PCSK5: variants seen among roughly 807,000 people sequenced by gnomAD.
The protein encoded by PCSK5 is prohormone convertase 5.
Under a neutral mutation model 233.2 loss-of-function variants are expected in PCSK5, and 129 were observed. That is an observed-to-expected ratio of 0.55 (90% CI 0.48 to 0.64). The LOEUF (loss-of-function observed/expected upper bound fraction) is 0.64. Among genes scored for constraint, PCSK5 ranks in the 30% least tolerant of loss-of-function variants. The pLI, the probability that PCSK5 is intolerant of heterozygous loss-of-function variation, is 0.00. For missense variants in PCSK5, 2,076 were observed against 2,430.1 expected, an observed-to-expected ratio of 0.85 and a Z score of 3.06; for synonymous variants, 825 against 879.2, an observed-to-expected ratio of 0.94 and a Z score of 1.09.
chr9:75,916,656 TGGAA>T (rs1257461234), intron 1 of PCSK5, among the ~76,000 whole-genome samples: 1 of 152,016 alleles, frequency 6.6e-6, no homozygotes, highest in Non-Finnish European at 1.5e-5. Context: ...GTTCTGAGGC[TGGAA>T]GGAAGGCCAG....
chr9:76,338,289 G>C lies in PCSK5; in HGVS notation c.4808G>C (p.Cys1603Ser). 1 of 1,612,618 alleles carries C rather than the reference G, an allele frequency of 6.2e-7. No homozygotes were observed. The highest frequency in any genetic ancestry group is 8.5e-7 in the Non-Finnish European group (1 of 1,179,714). ...AGGTGCAACAGGAGCTGCAAGGGGTGCCAGGGCCCACGGCCCACAGACTGC... is the reference window on the plus strand; with the variant it reads ...AGGTGCAACAGGAGCTGCAAGGGGTCCCAGGGCCCACGGCCCACAGACTGC... ...CERCNRSCKG[C>S]QGPRPTDCLS... Residue 1603 changes from cysteine to serine, a missense_variant, in exon 35 of 38, where the codon TGC becomes TCC. By Grantham distance (112) the Cys-to-Ser change is moderately radical. Coordinates refer to ENST00000674117, the MANE Select transcript of PCSK5 (RefSeq NM_001372043.1).
chr9:76,239,801 GA>G (rs1254600424), intron 23 of PCSK5, among the ~76,000 whole-genome samples: 1 of 151,936 alleles, frequency 6.6e-6, no homozygotes, highest in East Asian at 1.9e-4. Context: ...AATAAAATTC[GA>G]ATCCAAAAGT....
chr9:76,027,005 A>G lies in PCSK5; in HGVS notation c.600A>G (p.Pro200=), dbSNP rs146409433. The change falls in exon 5 of 38, where the codon CCA becomes CCG. Residue 200 remains proline, a synonymous_variant. Coordinates refer to ENST00000674117, the MANE Select transcript of PCSK5 (RefSeq NM_001372043.1). ...ACGTGAATGGGAATGACTTGGACCCAATGCCTCGTTATGATGCAAGCAACG... is the reference window on the plus strand; with the variant it reads ...ACGTGAATGGGAATGACTTGGACCCGATGCCTCGTTATGATGCAAGCAACG... ...SCDVNGNDLD[P]MPRYDASNEN... 5.9e-5 allele frequency: 95 copies of G among 1,609,578 alleles called. No homozygotes were observed. Among genetic ancestry groups the G allele is most frequent in the Non-Finnish European group, 7.2e-5 (85 of 1,177,602 alleles).
intron 10 of PCSK5, among the ~76,000 whole-genome samples, chr9:76,143,728 CT>C (rs11382449): frequency 0.011 from 1,555 of 141,818 alleles, 25 homozygotes; most frequent in African/African-American, 0.028. Flanking sequence ...CTACATCCCA[CT>C]TTTTTTTTTT....
chr9:76,098,561 G>A (rs777921351), intron 8 of PCSK5, among the ~76,000 whole-genome samples: 1 of 152,196 alleles, frequency 6.6e-6, no homozygotes, highest in African/African-American at 2.4e-5. Context: ...TCGAATAAGA[G>A]TTCTCGTTTT....
chr9:76,259,715 C>A (rs929263142), intron 24 of PCSK5, among the ~76,000 whole-genome samples: 1 of 152,034 alleles, frequency 6.6e-6, no homozygotes, highest in African/African-American at 2.4e-5. Flanking sequence ...CTTGGTTGAA[C>A]ATCCATAATG....
At chr9:76,276,068 G>A (rs551840928) in intron 24 of PCSK5, among the ~76,000 whole-genome samples, 2 of 152,168 alleles carry the variant, frequency 1.3e-5, no homozygotes, top group Non-Finnish European at 2.9e-5. Flanking sequence ...CAAGGCCGCG[G>A]AGTAATCCCA....
At position 76,206,812 on chromosome 9, in the gene PCSK5, G is replaced by A. The variant is rs577425768; in HGVS notation, c.2626+17066G>A. 2.0e-5 allele frequency among the ~76,000 whole-genome samples: 3 copies of A among 152,306 alleles called. No individual in the cohort carries two copies. The East Asian group carries it at 5.8e-4, about 29-fold the overall frequency. On this transcript the variant is annotated intron_variant, in intron 20 of 37. Transcript: ENST00000674117. ...ACTGAACTGCATTTGTAATCTTGCT[G>A]TATTAATTTCTTATGGCTGCTCTAA...
intron 20 of PCSK5, chr9:76,194,007 C>T (rs1824560157): frequency 6.6e-6 from 1 of 152,374 alleles, no homozygotes; most frequent in Non-Finnish European, 1.5e-5. Context: ...TAAGTCTGCT[C>T]CACTGGTTTC....
intron 2 of PCSK5, among the ~76,000 whole-genome samples, chr9:75,941,171 G>A (rs1480580364): frequency 1.3e-5 from 2 of 152,128 alleles, no homozygotes; most frequent in African/African-American, 4.8e-5. Context: ...GCAGGTTAAC[G>A]TGCTGCTCTT....
chr9:76,099,652 T>C (rs1831677918), intron 8 of PCSK5, among the ~76,000 whole-genome samples: 2 of 152,280 alleles, frequency 1.3e-5, no homozygotes, highest in South Asian at 4.1e-4. Context: ...TGACCCCTTT[T>C]CCTTCTAGAT....
At chr9:76,101,778 A>C (rs1210082469) in intron 8 of PCSK5, among the ~76,000 whole-genome samples, 4 of 152,168 alleles carry the variant, frequency 2.6e-5, no homozygotes, top group African/African-American at 4.8e-5. Context: ...AACAAATTCC[A>C]TGTGGAGGAA....
At chr9:76,338,470 G>C (rs754264618) in intron 35 of PCSK5, 23 bp downstream of exon 35, 1 of 1,506,560 alleles carries the variant, frequency 6.6e-7, no homozygotes. Context: ...CTGTCATTTT[G>C]CATGAGTGCG....
At chr9:75,951,619 A>C (rs1199378527) in intron 2 of PCSK5, among the ~76,000 whole-genome samples, 1 of 152,188 alleles carries the variant, frequency 6.6e-6, no homozygotes, top group Non-Finnish European at 1.5e-5. Flanking sequence ...ACATCCTTTA[A>C]AATCCTTTGC....
chr9:76,301,405 G>A (rs1470039331), intron 27 of PCSK5, among the ~76,000 whole-genome samples: 1 of 152,150 alleles, frequency 6.6e-6, no homozygotes, highest in Non-Finnish European at 1.5e-5. Context: ...GCAGAATCCT[G>A]ACTTAGCCAA....
At chr9:76,092,390 TTTTG>T (rs999482008) in intron 7 of PCSK5, among the ~76,000 whole-genome samples, 3 of 152,152 alleles carry the variant, frequency 2.0e-5, no homozygotes, top group Non-Finnish European at 4.4e-5. Flanking sequence ...CGCTTTCTTT[TTTTG>T]TTTGTTTGTT....
At chr9:76,124,376 A>C (rs922414297) in intron 9 of PCSK5, among the ~76,000 whole-genome samples, 3 of 152,180 alleles carry the variant, frequency 2.0e-5, no homozygotes, top group Non-Finnish European at 4.4e-5. Context: ...AGGTAAAGCT[A>C]ATATTCTGAA....
chr9:75,891,862 TG>T (rs1192450453), intron 1 of PCSK5, among the ~76,000 whole-genome samples: 2 of 150,492 alleles, frequency 1.3e-5, no homozygotes, highest in East Asian at 3.9e-4. Context: ...AGTTTCCTCT[TG>T]GGCGAGAGAA....
At chr9:75,912,168 G>A (rs368897248) in intron 1 of PCSK5, among the ~76,000 whole-genome samples, 2 of 152,058 alleles carry the variant, frequency 1.3e-5, no homozygotes, top group South Asian at 4.1e-4. Flanking sequence ...TTGTAAACAG[G>A]CTTAGGAAGT....
Sources: allele counts gnomAD v4.1 joint callset (sites outside exome capture counted in the v4.1 genomes callset), GRCh38; gene constraint gnomAD v4.1.1; transcripts MANE v1.5; gene names NCBI Gene and HGNC (gene_info 2026-07-23, HGNC 2026-07-21).